PDIA6: variants seen among roughly 807,000 people sequenced by gnomAD.
The protein encoded by PDIA6 is protein disulfide-isomerase A6.
Under a neutral mutation model 58.4 loss-of-function variants are expected in PDIA6, and 29 were observed. That is an observed-to-expected ratio of 0.50 (90% confidence interval 0.37 to 0.68). The LOEUF (loss-of-function observed/expected upper bound fraction) is 0.68, where lower values mean the gene tolerates loss of function less well. Ranked by LOEUF, PDIA6 falls within the 30% of genes least tolerant of loss-of-function variation. The pLI is 0.00. For synonymous variants in PDIA6, 192 were observed against 202.6 expected (o/e 0.95, Z 0.44); for missense variants, 480 against 551.0 (o/e 0.87, Z 1.29).
intron 1 of PDIA6, among the ~76,000 whole-genome samples, chr2:10,822,350 C>G (rs1470704665): frequency 2.0e-5 from 3 of 152,100 alleles, no homozygotes; most frequent in African/African-American, 4.8e-5. Context: ...GCAAGCTCCG[C>G]CTCCCGGGTT....
intron 1 of PDIA6, among the ~76,000 whole-genome samples, chr2:10,831,289 T>G (rs1193255962): frequency 6.6e-6 from 1 of 152,192 alleles, no homozygotes; most frequent in African/African-American, 2.4e-5. Flanking sequence ...GTGCACATTG[T>G]AGTCTACGGC....
chr2:10,809,816 G>C (rs1558454742), intron 1 of PDIA6, among the ~76,000 whole-genome samples: 1 of 152,116 alleles, frequency 6.6e-6, no homozygotes, highest in Non-Finnish European at 1.5e-5. Flanking sequence ...AAAAGAGTAA[G>C]TTACAGATAT....
upstream of PDIA6, chr2:10,837,422 G>C (rs1667850548): frequency 6.3e-6 from 4 of 639,160 alleles, no homozygotes; most frequent in Non-Finnish European, 8.5e-6. Context: ...AAATCAGAGA[G>C]GAATAAAAAT....
At position 10,812,772 on chromosome 2, in the gene PDIA6, C is replaced by T. The variant is rs1452707914; in HGVS notation, c.-76G>A. 3.0e-6 allele frequency: 4 copies of T among 1,331,766 alleles called. No individual in the cohort carries two copies. The highest frequency in any genetic ancestry group is 3.8e-6 in the Non-Finnish European group (4 of 1,041,320). The allele number at this position is 1,331,766 out of a possible 1,614,324, so 82.5% of individuals were successfully genotyped here. On this transcript the variant is annotated 5_prime_UTR_variant, in exon 1 of 13. Coordinates refer to ENST00000272227, the MANE Select transcript of PDIA6 (RefSeq NM_005742.4). ...TGCAGCGTGCCGCACGCCGCGCCCC[C>T]GCGCCCACGTCCCGCCCCAGGCCAG...
chr2:10,799,019 G>A (rs913569652), intron 2 of PDIA6, among the ~76,000 whole-genome samples: 1 of 147,368 alleles, frequency 6.8e-6, no homozygotes, highest in Non-Finnish European at 1.5e-5. Context: ...GAGGTGGGGG[G>A]AGGCAGGGAA....
At chr2:10,825,104 A>G (rs774480661) in intron 1 of PDIA6, among the ~76,000 whole-genome samples, 4 of 152,186 alleles carry the variant, frequency 2.6e-5, no homozygotes, top group Admixed American at 6.5e-5. Flanking sequence ...TCTTTCTCCC[A>G]TGCTGGATGC....
intron 4 of PDIA6, among the ~76,000 whole-genome samples, chr2:10,795,166 C>T (rs991430939): frequency 1.3e-5 from 2 of 152,092 alleles, no homozygotes; most frequent in African/African-American, 2.4e-5. Context: ...ATGAAGTATA[C>T]TAGGAAAAAA....
upstream of PDIA6, among the ~76,000 whole-genome samples, chr2:10,834,232 A>G (rs1302548730): frequency 3.9e-5 from 6 of 152,252 alleles, no homozygotes; most frequent in Non-Finnish European, 7.3e-5. Context: ...TGCGCTTCTG[A>G]GCAGAGACAA....
chr2:10,821,042 T>A lies in PDIA6; in HGVS notation c.-47-1688A>T, dbSNP rs186525162. 1.5e-3 allele frequency: 793 copies of A among 537,336 alleles called. 2 individuals are homozygous for A. Among genetic ancestry groups the A allele is most frequent in the Non-Finnish European group, 2.3e-3 (680 of 299,942 alleles). The allele number at this position is 537,336 out of a possible 1,614,324, so 33.3% of individuals were successfully genotyped here. A position where few individuals can be genotyped will look rare whatever the true frequency, so the allele number is the denominator to read the frequency against. On this transcript the variant is annotated intron_variant, in intron 1 of 13. Coordinates refer to the PDIA6 transcript ENST00000381611. ...TGGATTCTACCTCCCAGTGAGGAGA[T>A]GGCCACAGAATTTTCAGGTCGTGTT...
Position 10,793,187 on chromosome 2 carries a change from T to C in PDIA6, c.362A>G (p.Glu121Gly), listed in dbSNP as rs1666113971. 1.2e-6 allele frequency: 2 copies of C among 1,613,420 alleles called. No homozygotes were observed. Among genetic ancestry groups the C allele is most frequent in the South Asian group, 1.1e-5 (1 of 91,032 alleles). Residue 121 changes from glutamate (E) to glycine (G), a missense_variant, in exon 5 of 13, where the codon GAA (glutamate) becomes GGA (glycine). Physicochemically the swap from Glu to Gly is moderately conservative, Grantham distance 98. Coordinates refer to ENST00000272227, the MANE Select transcript of PDIA6 (RefSeq NM_005742.4). ...PEDYQGGRTG[E>G]AIVDAALSAL... ...ACTCAGCGCAGCATCTACAATGGCT[T>C]CACCAGTTCTGCCACCTACAGGAGA...
At chr2:10,809,143 A>T (rs1376671021) in intron 1 of PDIA6, among the ~76,000 whole-genome samples, 1 of 152,248 alleles carries the variant, frequency 6.6e-6, no homozygotes. Flanking sequence ...ACACATGTTT[A>T]AATGATCTTA....
intron 2 of PDIA6, among the ~76,000 whole-genome samples, chr2:10,799,834 A>C (rs1163027733): frequency 6.6e-6 from 1 of 151,732 alleles, no homozygotes. Flanking sequence ...CAGTCTACCC[A>C]GGGGTTCTGC....
intron 1 of PDIA6, among the ~76,000 whole-genome samples, chr2:10,811,711 GC>G (rs1667005218): frequency 6.6e-6 from 1 of 152,196 alleles, no homozygotes. Context: ...TGTGACCAAG[GC>G]GAGCCCGGCA....
upstream of PDIA6, among the ~76,000 whole-genome samples, chr2:10,834,732 C>CTCCCTCCTTCCTTCCT (rs1217424185): frequency 8.8e-4 from 32 of 36,450 alleles, 1 homozygote; most frequent in African/African-American, 2.8e-3. Flanking sequence ...CCTTCCTTCC[C>CTCCCTCCTTCCTTCCT]TCCTTCCTTC....
chr2:10,794,703 C>T (rs1255245156), intron 4 of PDIA6, among the ~76,000 whole-genome samples: 1 of 151,966 alleles, frequency 6.6e-6, no homozygotes, highest in East Asian at 2.0e-4. Context: ...CCGAGGCAGG[C>T]GGATCATGAG....
At chr2:10,810,736 T>C (rs753091429) in intron 1 of PDIA6, among the ~76,000 whole-genome samples, 6 of 152,098 alleles carry the variant, frequency 3.9e-5, no homozygotes, top group Non-Finnish European at 7.4e-5. Flanking sequence ...GATGTGGACA[T>C]TCTGAATGCA....
chr2:10,806,440 T>C (rs925166419), intron 1 of PDIA6, among the ~76,000 whole-genome samples: 1 of 142,430 alleles, frequency 7.0e-6, no homozygotes, highest in African/African-American at 2.5e-5. Context: ...GTAAGTGTTT[T>C]TACAAGAGCC....
intron 4 of PDIA6, 89 bp from the exon 5 acceptor site, chr2:10,793,291 T>C: frequency 6.1e-6 from 5 of 822,418 alleles, no homozygotes; most frequent in Non-Finnish European, 8.4e-6. Flanking sequence ...TTTACCTCAC[T>C]GTCGGCTTCA....
At chr2:10,812,969 A>T (rs534961731), upstream of PDIA6, 542 of 476,132 alleles carry the variant, frequency 1.1e-3, 4 homozygotes, top group East Asian at 7.9e-3. Flanking sequence ...CGAGCAGCGG[A>T]AGGCGGGGCC....
Sources: allele counts gnomAD v4.1 joint callset (sites outside exome capture counted in the v4.1 genomes callset), GRCh38; gene constraint gnomAD v4.1.1; transcripts MANE v1.5; gene names NCBI Gene and HGNC (gene_info 2026-07-23, HGNC 2026-07-21).